RSAD2: variants seen among roughly 807,000 people sequenced by gnomAD.
RSAD2 encodes the protein radical S-adenosyl methionine domain containing 2.
RSAD2 carries 38 observed loss-of-function variants against 37.7 expected under a neutral mutation model. The observed-to-expected ratio is 1.01, with a 90% CI of 0.78 to 1.32. The LOEUF (loss-of-function observed/expected upper bound fraction) is 1.32. RSAD2 is among the 40% of genes most tolerant of loss of function. The pLI is 0.00. For synonymous variants in RSAD2, 163 were observed against 157.4 expected (o/e 1.04, Z -0.27); for missense variants, 428 against 437.5 (o/e 0.98, Z 0.19).
exon 1 of RSAD2, chr2:6,865,967 G>T: frequency 1.8e-6 from 2 of 1,092,104 alleles, no homozygotes; most frequent in Non-Finnish European, 2.4e-6. Flanking sequence ...CAGGTGCGCG[G>T]CTCCGCGGGC....
At chr2:6,871,388 G>A (rs1395778584) in intron 1 of RSAD2, among the ~76,000 whole-genome samples, 1 of 152,174 alleles carries the variant, frequency 6.6e-6, no homozygotes, top group Non-Finnish European at 1.5e-5. Context: ...TCATCTGTGT[G>A]TTTTCTTGTC....
chr2:6,867,088 A>T (rs775205819), intron 1 of RSAD2, among the ~76,000 whole-genome samples: 6 of 152,182 alleles, frequency 3.9e-5, no homozygotes, highest in Non-Finnish European at 8.8e-5. Flanking sequence ...AGAGTCTTCT[A>T]GTTACTCCCT....
At chr2:6,877,642 A>G (rs1047704372), upstream of RSAD2, 5 of 610,554 alleles carry the variant, frequency 8.2e-6, no homozygotes, top group Non-Finnish European at 1.4e-5. Flanking sequence ...TTTCAGTTTC[A>G]CATGTGGAAA....
chr2:6,884,177 C>A (rs191694958), intron 2 of RSAD2, among the ~76,000 whole-genome samples: 1 of 152,236 alleles, frequency 6.6e-6, no homozygotes, highest in East Asian at 1.9e-4. Context: ...GCTGTTGGAG[C>A]CTTGAAGTCT....
At chr2:6,893,424 A>T (rs934174755) in intron 4 of RSAD2, among the ~76,000 whole-genome samples, 13 of 152,232 alleles carry the variant, frequency 8.5e-5, no homozygotes, top group Admixed American at 3.3e-4. Flanking sequence ...GGAAGCCTTC[A>T]GGATGAAGGT....
chr2:6,892,539 A>C (rs1169842315), intron 4 of RSAD2, among the ~76,000 whole-genome samples: 1 of 152,186 alleles, frequency 6.6e-6, no homozygotes, highest in Non-Finnish European at 1.5e-5. Flanking sequence ...ATACATCAAG[A>C]GGCCGAGTGG....
intron 4 of RSAD2, among the ~76,000 whole-genome samples, 166 bp downstream of exon 4, chr2:6,890,491 G>A (rs1039005570): frequency 1.3e-5 from 2 of 152,176 alleles, no homozygotes; most frequent in African/African-American, 4.8e-5. Flanking sequence ...GGCTGCCATT[G>A]ACTCTGCCAC....
intron 3 of RSAD2, among the ~76,000 whole-genome samples, chr2:6,888,140 T>G (rs536716157): frequency 6.6e-6 from 1 of 152,296 alleles, no homozygotes; most frequent in South Asian, 2.1e-4. Flanking sequence ...AAACAGCTTT[T>G]CCTTCAAAGC....
chr2:6,890,297 C>G lies in RSAD2; in HGVS notation c.860C>G (p.Ser287Cys). The change falls in exon 4 of 6, where the codon TCC (serine) becomes TGC (cysteine). Residue 287 changes from serine (S) to cysteine (C), a missense_variant. By Grantham distance (112) the Ser-to-Cys change is moderately radical (BLOSUM62 -1). Coordinates refer to ENST00000382040, the MANE Select transcript of RSAD2 (RefSeq NM_080657.5). ...ERFLERHKEV[S>C]CLVPESNQKM... ...TTCTTGGAGCGCCACAAAGAAGTGTCCTGCTTGGTGCCTGAATCTAACCAG... is the reference window on the plus strand; with the variant it reads ...TTCTTGGAGCGCCACAAAGAAGTGTGCTGCTTGGTGCCTGAATCTAACCAG... 1 of 1,614,146 alleles carries G rather than the reference C, an allele frequency of 6.2e-7. No individual in the cohort carries two copies. Among genetic ancestry groups the G allele is most frequent in the Non-Finnish European group, 8.5e-7 (1 of 1,179,988 alleles).
chr2:6,888,333 TATATAAGG>T (rs2103246434), intron 3 of RSAD2, among the ~76,000 whole-genome samples: 2 of 152,284 alleles, frequency 1.3e-5, no homozygotes, highest in South Asian at 4.2e-4. Flanking sequence ...TTTGGTTACA[TATATAAGG>T]ATATGAATTA....
chr2:6,879,612 T>C (rs779853458), intron 1 of RSAD2, among the ~76,000 whole-genome samples: 2 of 152,198 alleles, frequency 1.3e-5, no homozygotes, highest in Non-Finnish European at 2.9e-5. Context: ...TTTTCACTTA[T>C]GAGCTTATAG....
chr2:6,888,832 T>C (rs1663573117), intron 3 of RSAD2, among the ~76,000 whole-genome samples: 3 of 152,350 alleles, frequency 2.0e-5, no homozygotes, highest in African/African-American at 7.2e-5. Flanking sequence ...CAATCTTACA[T>C]TGCACTCAGA....
In RSAD2 at chr2:6,887,150, C is replaced by T. The variant is rs769680787; in HGVS notation, c.724C>T (p.Pro242Ser). The T allele has an allele frequency of 4.3e-6, 7 of 1,613,290 alleles. No homozygotes were observed. In the South Asian group the frequency reaches 5.5e-5, roughly 13 times the overall value. ...GACGGAACAGATCAAAGCACTAAACCCTGTCCGCTGGAAAGTAAGTACACA... is the reference window on the plus strand; with the variant it reads ...GACGGAACAGATCAAAGCACTAAACTCTGTCCGCTGGAAAGTAAGTACACA... ...DMTEQIKALN[P>S]VRWKVFQCLL... The change falls in exon 3 of 6, where the codon CCT becomes TCT. Residue 242 changes from proline to serine, a missense_variant. By Grantham distance (74) the Pro-to-Ser change is moderately conservative. Transcript: ENST00000382040.
intron 1 of RSAD2, among the ~76,000 whole-genome samples, chr2:6,870,739 GC>G (rs767586871): frequency 6.6e-6 from 1 of 152,126 alleles, no homozygotes; most frequent in Non-Finnish European, 1.5e-5. Flanking sequence ...CCAGGGTTTA[GC>G]AAGGGCTTCT....
intron 2 of RSAD2, among the ~76,000 whole-genome samples, chr2:6,885,332 G>A (rs1481361578): frequency 1.3e-5 from 2 of 152,152 alleles, no homozygotes; most frequent in African/African-American, 4.8e-5. Flanking sequence ...AGTCATTTAT[G>A]CACATGCTGC....
chr2:6,895,781 C>T lies in RSAD2; in HGVS notation c.925C>T (p.Arg309Cys), dbSNP rs182219558. ...DSYLILDEYM[R>C]FLNCRKGRKD... ...GTTTCTGTTATGAATTTTCTAGATG[C>T]GCTTTCTGAACTGTAGAAAGGGACG... The change falls in exon 6 of 6, where the codon CGC (arginine) becomes TGC (cysteine). Residue 309 changes from arginine to cysteine, a missense_variant. Coordinates refer to ENST00000382040, the MANE Select transcript of RSAD2 (RefSeq NM_080657.5). 362 of 1,610,688 alleles carry T rather than the reference C, an allele frequency of 2.2e-4. 2 individuals carry two copies. The East Asian group carries it at 4.5e-3, about 20-fold the overall frequency.
At chr2:6,868,151 A>G (rs965966498) in intron 1 of RSAD2, among the ~76,000 whole-genome samples, 15 of 152,230 alleles carry the variant, frequency 9.9e-5, no homozygotes, top group African/African-American at 3.6e-4. Flanking sequence ...CAACACTTAC[A>G]GTATTAAACA....
intron 2 of RSAD2, among the ~76,000 whole-genome samples, chr2:6,884,296 G>T (rs898208372): frequency 6.6e-6 from 1 of 152,168 alleles, no homozygotes; most frequent in Non-Finnish European, 1.5e-5. Context: ...CGCTGTGGAT[G>T]TGGGTTGGAG....
chr2:6,879,935 C>G (rs1337768466), intron 1 of RSAD2, among the ~76,000 whole-genome samples: 1 of 152,134 alleles, frequency 6.6e-6, no homozygotes, highest in Non-Finnish European at 1.5e-5. Context: ...TTCTGAGTAT[C>G]AGTTCCATGA....
Sources: allele counts gnomAD v4.1 joint callset (sites outside exome capture counted in the v4.1 genomes callset), GRCh38; gene constraint gnomAD v4.1.1; transcripts MANE v1.5; gene names NCBI Gene and HGNC (gene_info 2026-07-23, HGNC 2026-07-21).